Variants in ABCD2 observed in about 807,000 individuals in gnomAD.
ABCD2 encodes ATP binding cassette subfamily D member 2.
In ABCD2, 36 loss-of-function variants were observed where a neutral mutation model predicts 70.9. That is an observed-to-expected ratio of 0.51 (90% CI 0.39 to 0.67). The LOEUF (loss-of-function observed/expected upper bound fraction) is 0.67, where lower values mean the gene tolerates loss of function less well. Ranked by LOEUF, ABCD2 falls within the 30% of genes least tolerant of loss-of-function variation. ABCD2 has a pLI of 0.00. For synonymous variants in ABCD2, 304 were observed against 306.9 expected (o/e 0.99, Z 0.10); for missense variants, 729 against 890.2 (o/e 0.82, Z 2.30).
intron 9 of ABCD2, among the ~76,000 whole-genome samples, chr12:39,563,066 G>T (rs774316965): frequency 6.6e-6 from 1 of 152,076 alleles, no homozygotes; most frequent in South Asian, 2.1e-4. Context: ...CAAAAAATAT[G>T]ATTATCTTAA....
At position 39,550,581 on chromosome 12, in the gene ABCD2, TA is replaced by T. The variant is rs983577924; in HGVS notation, c.*3330del. ...CAACAATGAAGAAGAAATTGGTTTT[TA>T]AAAAAATATTTTATACATCCACCTG... On this transcript the variant is annotated 3_prime_UTR_variant, in exon 10 of 10. Transcript: ENST00000308666. The T allele has an allele frequency of 1.3e-5, 2 of 151,728 alleles. No individual in the cohort carries two copies. Among genetic ancestry groups the T allele is most frequent in the Non-Finnish European group, 1.5e-5 (1 of 67,678 alleles). The allele number at this position is 151,728 out of a possible 1,614,324, so 9.4% of individuals were successfully genotyped here.
chr12:39,554,536 T>C (rs1035509592), intron 9 of ABCD2, among the ~76,000 whole-genome samples: 2 of 152,074 alleles, frequency 1.3e-5, no homozygotes, highest in African/African-American at 4.8e-5. Flanking sequence ...GGAAATACAA[T>C]AGCAACTCAT....
Position 39,618,759 on chromosome 12 carries a change from G to A in ABCD2, c.857C>T (p.Ala286Val). 6.2e-7 allele frequency: 1 copy of A among 1,614,136 alleles called. No homozygotes were observed. The highest frequency in any genetic ancestry group is 8.5e-7 in the Non-Finnish European group (1 of 1,180,032). ...ATACCGCAAATAGCCTTTTCTATGTGCTTCCTCTGCCACCAGTTTGCCAAA... is the reference window on the plus strand; with the variant it reads ...ATACCGCAAATAGCCTTTTCTATGTACTTCCTCTGCCACCAGTTTGCCAAA... ...PKFGKLVAEE[A>V]HRKGYLRYVH... The change falls in exon 1 of 10, where the codon GCA (alanine) becomes GTA (valine). Residue 286 changes from alanine to valine, a missense_variant. Transcript: ENST00000308666.
chr12:39,537,908 T>TA, the ABCD2 span, among the ~76,000 whole-genome samples: 1 of 152,240 alleles, frequency 6.6e-6, no homozygotes, highest in Non-Finnish European at 1.5e-5. Flanking sequence ...AGAAAGTAAG[T>TA]AAAAAATATT....
At chr12:39,580,817 CA>C (rs1941586835) in intron 7 of ABCD2, among the ~76,000 whole-genome samples, 1 of 152,054 alleles carries the variant, frequency 6.6e-6, no homozygotes, top group South Asian at 2.1e-4. Flanking sequence ...GAATTTTTAC[CA>C]TTAAAATTTT....
chr12:39,539,235 C>T, the ABCD2 span, among the ~76,000 whole-genome samples: 14 of 152,156 alleles, frequency 9.2e-5, no homozygotes, highest in African/African-American at 3.1e-4. Flanking sequence ...GCAACACTTT[C>T]GACACAGAAT....
At chr12:39,592,733 A>G (rs1941763932) in intron 6 of ABCD2, among the ~76,000 whole-genome samples, 1 of 152,216 alleles carries the variant, frequency 6.6e-6, no homozygotes, top group Non-Finnish European at 1.5e-5. Flanking sequence ...TGGCTTTTAT[A>G]GACCCATATT....
At chr12:39,597,411 G>C (rs1396950831) in intron 6 of ABCD2, among the ~76,000 whole-genome samples, 1 of 152,142 alleles carries the variant, frequency 6.6e-6, no homozygotes, top group African/African-American at 2.4e-5. Context: ...CAGGGGATTA[G>C]GAAGTAACAA....
At chr12:39,578,262 C>T (rs1339390782) in intron 8 of ABCD2, among the ~76,000 whole-genome samples, 1 of 152,040 alleles carries the variant, frequency 6.6e-6, no homozygotes, top group African/African-American at 2.4e-5. Context: ...ATCACGAGGT[C>T]AGGAGATCGA....
At chr12:39,599,668 T>G (rs534608303) in intron 6 of ABCD2, among the ~76,000 whole-genome samples, 4 of 152,168 alleles carry the variant, frequency 2.6e-5, no homozygotes, top group Admixed American at 2.0e-4. Context: ...CTATGTCTGG[T>G]CTAAAAATTA....
rs1941102072 is a variant in ABCD2, at chr12:39,552,500, T to G, written c.*1412A>C. ...GCACACAAATAGAATAAAATCTATT[T>G]CATATGACTAGTCCATATAGATTAT... On this transcript the variant is annotated 3_prime_UTR_variant, in exon 10 of 10. Transcript: ENST00000308666. 1 of 152,060 alleles carries G rather than the reference T, an allele frequency of 6.6e-6. No homozygotes were observed. Among genetic ancestry groups the G allele is most frequent in the African/African-American group, 2.4e-5 (1 of 41,560 alleles). The allele number at this position is 152,060 out of a possible 1,614,324, so 9.4% of individuals were successfully genotyped here.
chr12:39,593,544 G>A lies in ABCD2; in HGVS notation c.1646+7027C>T, dbSNP rs112561410. ...TGGGATTACAGTCATGAGCCACCAG[G>A]CCCAGCCCAGAACTTCATATTTTAA... On this transcript the variant is annotated intron_variant, in intron 6 of 9. Transcript: ENST00000308666. Among the ~76,000 whole-genome samples the A allele has an allele frequency of 1.9e-3, 293 of 152,196 alleles. 2 individuals are homozygous for A. Among genetic ancestry groups the A allele is most frequent in the African/African-American group, 6.3e-3 (261 of 41,532 alleles).
In ABCD2 at chr12:39,579,465, T is replaced by C. The variant is rs916832261; in HGVS notation, c.1877+70A>G. ...AGACGATAAATCCTGTCCAAACTTT[T>C]GTTGTTCCTATTGTTGCTTGGTTTG... On this transcript the variant is annotated intron_variant, in intron 8 of 9. Coordinates refer to ENST00000308666, the MANE Select transcript of ABCD2 (RefSeq NM_005164.4). 9 of 1,087,798 alleles carry C rather than the reference T, an allele frequency of 8.3e-6. No individual in the cohort carries two copies. The African/African-American group carries it at 1.3e-4, about 15-fold the overall frequency. The allele number at this position is 1,087,798 out of a possible 1,614,324, so 67.4% of individuals were successfully genotyped here.
chr12:39,610,383 T>C (rs369483989), intron 2 of ABCD2, among the ~76,000 whole-genome samples: 15 of 152,110 alleles, frequency 9.9e-5, no homozygotes, highest in African/African-American at 3.6e-4. Flanking sequence ...CTGATGAGCA[T>C]TGGTATGAGG....
the ABCD2 span, among the ~76,000 whole-genome samples, chr12:39,538,147 A>G: frequency 4.7e-5 from 7 of 149,124 alleles, no homozygotes; most frequent in South Asian, 1.5e-3. Context: ...CACACTGTGG[A>G]GTGTACTTTC....
intron 9 of ABCD2, among the ~76,000 whole-genome samples, chr12:39,554,432 A>C (rs537399172): frequency 5.3e-5 from 8 of 152,246 alleles, no homozygotes; most frequent in African/African-American, 7.2e-5. Flanking sequence ...GCTCCTGAAT[A>C]AATAGTAAGG....
Position 39,564,797 on chromosome 12 carries a change from A to G in ABCD2, c.2003+8919T>C, listed in dbSNP as rs143078932. Among the ~76,000 whole-genome samples, 1,214 of 152,168 alleles carry G rather than the reference A, an allele frequency of 8.0e-3. 13 individuals are homozygous for G. The highest frequency in any genetic ancestry group is 0.028 in the African/African-American group (1,152 of 41,506). On this transcript the variant is annotated intron_variant, in intron 9 of 9. Transcript: ENST00000308666. ...TTAAGTCTTGAATCCATCTTGAATT[A>G]ATTTTTGTATAAGGTGTAAGGAAGG...
intron 9 of ABCD2, among the ~76,000 whole-genome samples, chr12:39,569,418 T>C (rs998600103): frequency 6.6e-5 from 10 of 152,230 alleles, no homozygotes; most frequent in Non-Finnish European, 1.2e-4. Context: ...CATAGTACCC[T>C]CCGAGCCAGG....
chr12:39,545,379 G>A (rs111499882), downstream of ABCD2, among the ~76,000 whole-genome samples: 2,372 of 152,084 alleles, frequency 0.016, 75 homozygotes, highest in African/African-American at 0.053. Context: ...TGTAAATTCC[G>A]CCTCCCGGGT....
Sources: gnomAD v4.1 joint callset for allele counts (sites outside exome capture counted in the v4.1 genomes callset) on GRCh38, gnomAD v4.1.1 for gene constraint, MANE v1.5 for transcripts, NCBI Gene and HGNC (gene_info 2026-07-23, HGNC 2026-07-21) for gene names.